The following KCNN2 variants were observed in gnomAD, a reference collection of about 807,000 sequenced individuals.
KCNN2 encodes the protein small conductance calcium-activated potassium channel protein 2.
Under a neutral mutation model 55.5 loss-of-function variants are expected in KCNN2, and 24 were observed. The ratio of observed to expected loss-of-function variants is 0.43; its 90% CI spans 0.31 to 0.61. KCNN2 has a LOEUF of 0.61. Ranked by LOEUF, KCNN2 falls within the 20% of genes least tolerant of loss-of-function variation. KCNN2 has a pLI of 0.08. For missense variants in KCNN2, 754 were observed against 853.6 expected (o/e 0.88, Z 1.45); for synonymous variants, 431 against 336.1 (o/e 1.28, Z -3.09).
At chr5:114,150,094 C>T (rs752084065) in intron 1 of KCNN2, among the ~76,000 whole-genome samples, 26 of 152,210 alleles carry the variant, frequency 1.7e-4, no homozygotes, top group Non-Finnish European at 2.8e-4. Flanking sequence ...AAGCACATCA[C>T]GTACTGTTGG....
intron 2 of KCNN2, among the ~76,000 whole-genome samples, chr5:114,356,124 A>C (rs1757289869): frequency 6.6e-6 from 1 of 152,122 alleles, no homozygotes; most frequent in Admixed American, 6.5e-5. Context: ...AAACAGACCC[A>C]CAGAAAAATT....
chr5:114,289,494 A>T (rs140123917), intron 2 of KCNN2, among the ~76,000 whole-genome samples: 72 of 151,006 alleles, frequency 4.8e-4, no homozygotes, highest in African/African-American at 1.7e-3. Context: ...CTCCTACCTT[A>T]GCCTCCCAAG....
intron 2 of KCNN2, among the ~76,000 whole-genome samples, chr5:114,283,926 C>G (rs192668613): frequency 1.3e-5 from 2 of 152,286 alleles, no homozygotes; most frequent in East Asian, 3.9e-4. Flanking sequence ...GTCCTTCCAG[C>G]TCCTGAAATT....
chr5:114,310,123 A>G (rs1756366046), intron 2 of KCNN2, among the ~76,000 whole-genome samples: 1 of 152,204 alleles, frequency 6.6e-6, no homozygotes, highest in Non-Finnish European at 1.5e-5. Flanking sequence ...ACAAATTCAT[A>G]TTCTCTTCAC....
At chr5:114,094,726 G>A (rs1751221991) in intron 1 of KCNN2, among the ~76,000 whole-genome samples, 1 of 152,064 alleles carries the variant, frequency 6.6e-6, no homozygotes, top group Admixed American at 6.5e-5. Context: ...AACCTATTTT[G>A]ACAATTATAA....
intron 2 of KCNN2, among the ~76,000 whole-genome samples, chr5:114,224,746 G>A (rs777448318): frequency 3.9e-5 from 6 of 152,116 alleles, no homozygotes; most frequent in East Asian, 3.9e-4. Context: ...TTTCTTCTCC[G>A]GTTGTGCTGA....
intron 1 of KCNN2, among the ~76,000 whole-genome samples, chr5:114,150,284 T>C (rs1040275383): frequency 4.6e-5 from 7 of 152,212 alleles, no homozygotes; most frequent in Non-Finnish European, 1.0e-4. Flanking sequence ...AACATGGTAC[T>C]GGTACCAAAA....
chr5:114,489,791 A>G (rs559816812), intron 6 of KCNN2, among the ~76,000 whole-genome samples: 3 of 152,286 alleles, frequency 2.0e-5, no homozygotes, highest in East Asian at 3.9e-4. Context: ...TCCATTGCCC[A>G]CTGTGCAGAT....
intron 4 of KCNN2, among the ~76,000 whole-genome samples, chr5:114,463,605 TTTTC>T (rs1334355598): frequency 2.0e-5 from 3 of 152,220 alleles, no homozygotes; most frequent in Non-Finnish European, 2.9e-5. Context: ...TAATATTTAT[TTTTC>T]TTTCTTTTAA....
intron 1 of KCNN2, among the ~76,000 whole-genome samples, chr5:114,190,020 G>C (rs74639272): frequency 6.6e-6 from 1 of 151,936 alleles, no homozygotes; most frequent in Non-Finnish European, 1.5e-5. Flanking sequence ...TAACATCACA[G>C]CATGGAAGGA....
At chr5:114,281,224 G>A (rs757009527) in intron 2 of KCNN2, among the ~76,000 whole-genome samples, 2 of 152,216 alleles carry the variant, frequency 1.3e-5, no homozygotes, top group Non-Finnish European at 2.9e-5. Flanking sequence ...TAAAATGTGA[G>A]CTCTTTGAGT....
At chr5:114,365,110 C>T (rs1253736524) in intron 2 of KCNN2, among the ~76,000 whole-genome samples, 3 of 152,020 alleles carry the variant, frequency 2.0e-5, no homozygotes, top group African/African-American at 7.2e-5. Flanking sequence ...TGGAAGAAAT[C>T]GTTTTTAATG....
chr5:114,410,616 C>A (rs138771661), intron 3 of KCNN2, among the ~76,000 whole-genome samples: 122 of 152,190 alleles, frequency 8.0e-4, no homozygotes, highest in African/African-American at 2.9e-3. Flanking sequence ...TCAATGAAAT[C>A]TTTTCCTTTT....
At chr5:114,164,003 G>T (rs1026936083) in intron 1 of KCNN2, among the ~76,000 whole-genome samples, 1 of 152,060 alleles carries the variant, frequency 6.6e-6, no homozygotes, top group Non-Finnish European at 1.5e-5. Context: ...TATTTAATGG[G>T]GGTGGGTGTC....
At chr5:114,102,549 CT>C (rs1751394037) in intron 1 of KCNN2, among the ~76,000 whole-genome samples, 1 of 152,126 alleles carries the variant, frequency 6.6e-6, no homozygotes, top group African/African-American at 2.4e-5. Flanking sequence ...AGGTTTTCTT[CT>C]ACGATTTTTA....
At chr5:114,174,259 C>T (rs567896165) in intron 1 of KCNN2, among the ~76,000 whole-genome samples, 5 of 152,016 alleles carry the variant, frequency 3.3e-5, no homozygotes, top group African/African-American at 1.2e-4. Flanking sequence ...ATACATGAAC[C>T]CTGCTGGAGA....
At chr5:114,403,298 G>C (rs1475871921) in intron 2 of KCNN2, among the ~76,000 whole-genome samples, 1 of 152,162 alleles carries the variant, frequency 6.6e-6, no homozygotes, top group African/African-American at 2.4e-5. Flanking sequence ...GGTAAATAAA[G>C]TAGACAATCA....
intron 3 of KCNN2, among the ~76,000 whole-genome samples, chr5:114,420,390 C>T (rs1276235276): frequency 6.6e-6 from 1 of 152,226 alleles, no homozygotes; most frequent in African/African-American, 2.4e-5. Context: ...TAGTGGAGTA[C>T]TGTAATGAAA....
chr5:114,426,405 T>A (rs1264285420), intron 3 of KCNN2, among the ~76,000 whole-genome samples: 1 of 152,198 alleles, frequency 6.6e-6, no homozygotes, highest in Non-Finnish European at 1.5e-5. Context: ...TTGCTAGTAT[T>A]TTGTTGAGTT....
Sources: allele counts gnomAD v4.1 joint callset (sites outside exome capture counted in the v4.1 genomes callset), GRCh38; gene constraint gnomAD v4.1.1; transcripts MANE v1.5; gene names NCBI Gene and HGNC (gene_info 2026-07-23, HGNC 2026-07-21).